Variants in TAFA2 observed in about 807,000 individuals in gnomAD.
The protein encoded by TAFA2 is chemokine-like protein TAFA-2.
A neutral mutation model predicts 18.8 loss-of-function variants in TAFA2; 7 were observed. The ratio of observed to expected loss-of-function variants is 0.37; its 90% CI spans 0.21 to 0.70. TAFA2 has a LOEUF of 0.70. Ranked by LOEUF, TAFA2 falls within the 30% of genes least tolerant of loss-of-function variation. The pLI is 0.53. For synonymous variants in TAFA2, 60 were observed against 54.2 expected (o/e 1.11, Z -0.47); for missense variants, 122 against 158.1 (o/e 0.77, Z 1.23).
intron 4 of TAFA2, among the ~76,000 whole-genome samples, chr12:61,718,878 CT>C (rs1390272349): frequency 6.6e-6 from 1 of 152,126 alleles, no homozygotes; most frequent in African/African-American, 2.4e-5. Flanking sequence ...AAAAATTGTA[CT>C]TTAAAAAATG....
chr12:62,234,772 G>T, intron 1 of TAFA2: 1 of 1,079,042 alleles, frequency 9.3e-7, no homozygotes, highest in South Asian at 1.2e-5. Context: ...GCTGTCTGTG[G>T]AGCAGGTCTG....
At chr12:61,969,077 G>GT (rs1430098204) in intron 1 of TAFA2, among the ~76,000 whole-genome samples, 1 of 151,658 alleles carries the variant, frequency 6.6e-6, no homozygotes, top group Non-Finnish European at 1.5e-5. Flanking sequence ...CAAGTGTTCT[G>GT]TTTTTCCCTT....
intron 2 of TAFA2, among the ~76,000 whole-genome samples, chr12:61,848,100 C>G (rs938982502): frequency 6.6e-6 from 1 of 152,154 alleles, no homozygotes; most frequent in Non-Finnish European, 1.5e-5. Context: ...TATAAAACAG[C>G]TCACTTTTTT....
chr12:62,243,790 T>C (rs2062873118), intron 1 of TAFA2, among the ~76,000 whole-genome samples: 1 of 152,160 alleles, frequency 6.6e-6, no homozygotes, highest in Non-Finnish European at 1.5e-5. Context: ...CTGTTTAACA[T>C]TCTTTTTTGA....
At chr12:62,191,103 C>A (rs998681853) in intron 1 of TAFA2, among the ~76,000 whole-genome samples, 156 bp downstream of exon 1, 1 of 152,144 alleles carries the variant, frequency 6.6e-6, no homozygotes, top group Non-Finnish European at 1.5e-5. Flanking sequence ...TCTGCCCTCA[C>A]CTCTCGCCTT....
chr12:62,054,740 C>T (rs1424252736), intron 1 of TAFA2, among the ~76,000 whole-genome samples: 4 of 152,070 alleles, frequency 2.6e-5, no homozygotes, highest in South Asian at 4.1e-4. Context: ...AAATATATAA[C>T]GCTTGGGTAC....
At chr12:62,250,799 T>G (rs2062909527) in intron 1 of TAFA2, among the ~76,000 whole-genome samples, 2 of 152,186 alleles carry the variant, frequency 1.3e-5, no homozygotes, top group African/African-American at 2.4e-5. Context: ...TGTACTTCCC[T>G]GATATTAATT....
intron 4 of TAFA2, among the ~76,000 whole-genome samples, chr12:61,713,884 A>C (rs565956834): frequency 1.5e-3 from 225 of 152,338 alleles, no homozygotes; most frequent in Non-Finnish European, 2.6e-3. Context: ...TTGCTTAAGC[A>C]ATATTTATAC....
intron 1 of TAFA2, among the ~76,000 whole-genome samples, chr12:62,094,496 AT>A (rs35276198): frequency 6.6e-6 from 1 of 152,072 alleles, no homozygotes; most frequent in Non-Finnish European, 1.5e-5. Context: ...ACAAATAAAA[AT>A]TTTTAAAAAA....
At chr12:62,107,817 A>T (rs1869527496) in intron 1 of TAFA2, among the ~76,000 whole-genome samples, 1 of 152,166 alleles carries the variant, frequency 6.6e-6, no homozygotes, top group Admixed American at 6.5e-5. Context: ...AAATTACTGT[A>T]GTATTTGTTA....
chr12:61,759,633 C>CTTT (rs1328633677), intron 2 of TAFA2, among the ~76,000 whole-genome samples: 1 of 151,980 alleles, frequency 6.6e-6, no homozygotes, highest in East Asian at 1.9e-4. Context: ...CCTACTATAA[C>CTTT]TACAAGGTAA....
intron 1 of TAFA2, among the ~76,000 whole-genome samples, chr12:62,099,261 G>GA (rs879390422): frequency 1.9e-3 from 287 of 150,786 alleles, no homozygotes; most frequent in Non-Finnish European, 1.6e-3. Flanking sequence ...GCACGTAAAT[G>GA]AAAAAAAAAG....
chr12:62,002,982 T>C (rs1880429243), intron 1 of TAFA2, among the ~76,000 whole-genome samples: 1 of 152,160 alleles, frequency 6.6e-6, no homozygotes, highest in Admixed American at 6.5e-5. Flanking sequence ...ACATCCTCTC[T>C]ACCCTTCTTA....
intron 1 of TAFA2, among the ~76,000 whole-genome samples, chr12:62,211,285 AAGC>A (rs1273448716): frequency 2.0e-5 from 3 of 152,194 alleles, no homozygotes; most frequent in African/African-American, 7.2e-5. Flanking sequence ...AAAATTTAAA[AAGC>A]AGAAAAATGG....
At chr12:61,986,908 C>A (rs945846576) in intron 1 of TAFA2, among the ~76,000 whole-genome samples, 3 of 152,088 alleles carry the variant, frequency 2.0e-5, no homozygotes, top group African/African-American at 7.2e-5. Flanking sequence ...CGTCTATGTC[C>A]GAGGCTCACA....
At chr12:62,039,525 T>G (rs187924348) in intron 1 of TAFA2, among the ~76,000 whole-genome samples, 5 of 152,270 alleles carry the variant, frequency 3.3e-5, no homozygotes, top group African/African-American at 9.6e-5. Flanking sequence ...AGCAGGGCAT[T>G]AAGCAATGTT....
In TAFA2 at chr12:61,746,589, C is replaced by A. The variant is rs181009331; in HGVS notation, c.384+7033G>T. Among the ~76,000 whole-genome samples the A allele has an allele frequency of 3.8e-3, 583 of 152,162 alleles. 1 individual carries two copies. Among genetic ancestry groups the A allele is most frequent in the African/African-American group, 0.013 (553 of 41,512 alleles). On this transcript the variant is annotated intron_variant, in intron 4 of 4. Coordinates refer to ENST00000416284, the MANE Select transcript of TAFA2 (RefSeq NM_178539.5). ...AGTCTTGTGAAACCCAGAGCAGAGA[C>A]CCACCTGAGCTACACTGTGCCTGGA...
At chr12:61,864,124 T>A (rs1269140057) in intron 2 of TAFA2, among the ~76,000 whole-genome samples, 14 of 152,130 alleles carry the variant, frequency 9.2e-5, no homozygotes. Context: ...AAACCCTGCC[T>A]AAGACTCATG....
chr12:61,780,740 C>T (rs996225655), intron 2 of TAFA2, among the ~76,000 whole-genome samples: 2 of 151,720 alleles, frequency 1.3e-5, no homozygotes, highest in African/African-American at 2.4e-5. Flanking sequence ...TTCTCACTCG[C>T]TCCTTCCAGT....
Sources: allele counts gnomAD v4.1 joint callset (sites outside exome capture counted in the v4.1 genomes callset), GRCh38; gene constraint gnomAD v4.1.1; transcripts MANE v1.5; gene names NCBI Gene and HGNC (gene_info 2026-07-23, HGNC 2026-07-21).